The following PITPNM3 variants were observed in gnomAD, a reference collection of about 807,000 sequenced individuals.
PITPNM3 encodes PITPNM family member 3.
Under a neutral mutation model 102.0 loss-of-function variants are expected in PITPNM3, and 26 were observed. The observed-to-expected ratio is 0.25, with a 90% CI of 0.19 to 0.35. PITPNM3 has a LOEUF of 0.35. Ranked by LOEUF, PITPNM3 falls within the 10% of genes least tolerant of loss-of-function variation. The pLI is 1.00. For missense variants in PITPNM3, 1,083 were observed against 1,346.1 expected (o/e 0.80, Z 3.06); for synonymous variants, 578 against 558.6 (o/e 1.03, Z -0.49).
chr17:6,515,621 G>T (rs1460506675), intron 3 of PITPNM3, among the ~76,000 whole-genome samples: 1 of 152,050 alleles, frequency 6.6e-6, no homozygotes, highest in African/African-American at 2.4e-5. Flanking sequence ...TGCCTCCTTA[G>T]ATCATTCAAA....
chr17:6,549,861 C>T (rs1195553852), intron 1 of PITPNM3, among the ~76,000 whole-genome samples: 1 of 152,190 alleles, frequency 6.6e-6, no homozygotes, highest in African/African-American at 2.4e-5. Context: ...TGGCTGCAGA[C>T]CTGGTGATGG....
intron 1 of PITPNM3, among the ~76,000 whole-genome samples, chr17:6,554,339 AG>A (rs1910488182): frequency 7.4e-6 from 1 of 135,920 alleles, no homozygotes; most frequent in Non-Finnish European, 1.6e-5. Flanking sequence ...AAAAAAAAAA[AG>A]GAGAGAAGGG....
intron 4 of PITPNM3, among the ~76,000 whole-genome samples, chr17:6,489,500 G>GGCCCAGGTCACCAGCCCAGGTCACCA (rs60136731): frequency 2.0e-5 from 3 of 150,406 alleles, no homozygotes; most frequent in Non-Finnish European, 4.4e-5. Flanking sequence ...TGCCTAAACC[G>GGCCCAGGTCACCAGCCCAGGTCACCA]GCCCAGGTCA....
chr17:6,483,628 G>A lies in PITPNM3; in HGVS notation c.476C>T (p.Ser159Phe). The change falls in exon 6 of 20, where the codon TCC (serine) becomes TTC (phenylalanine). Residue 159 changes from serine to phenylalanine, a missense_variant. This residue lies in a region of PITPNM3 where 290 missense variants were observed against 337.8 expected (regional missense o/e 0.86). Transcript: ENST00000262483. ...GGCTCGTGTGACCTTCTCCAGCACGGAGCTGAAGGTGTGGATGTCGGCTGC... is the reference window on the plus strand; with the variant it reads ...GGCTCGTGTGACCTTCTCCAGCACGAAGCTGAAGGTGTGGATGTCGGCTGC... ...CKAADIHTFS[S>F]VLEKVTRAHF... 1 of 1,614,114 alleles carries A rather than the reference G, an allele frequency of 6.2e-7. No homozygotes were observed. The highest frequency in any genetic ancestry group is 1.1e-5 in the South Asian group (1 of 91,070).
chr17:6,483,694 C>T lies in PITPNM3; in HGVS notation c.410G>A (p.Gly137Glu). 6.2e-7 allele frequency: 1 copy of T among 1,613,972 alleles called. No homozygotes were observed. Among genetic ancestry groups the T allele is most frequent in the East Asian group, 2.2e-5 (1 of 44,852 alleles). The change falls in exon 6 of 20, where the codon GGA (glycine) becomes GAA (glutamate). Residue 137 changes from glycine (G) to glutamate (E), a missense_variant. Transcript: ENST00000262483. ...THVLLLVLHG[G>E]NILDTGAGDP... ...CCCGGCACCCGTGTCCAGGATGTTT[C>T]CCCCATGCAGGACCAGCAGGAGGAC... is the stretch of plus-strand genomic sequence containing the variant.
rs368625652 is a variant in PITPNM3, at chr17:6,451,881, C to CCA, written c.*3456_*3457insTG. The CCA allele has an allele frequency of 2.7e-5, 1 of 37,110 alleles. No homozygotes were observed. Among genetic ancestry groups the CCA allele is most frequent in the Non-Finnish European group, 6.0e-5 (1 of 16,762 alleles). 2.3% of individuals were successfully genotyped at this position (37,110 alleles called of 1,614,324 possible). On this transcript the variant is annotated 3_prime_UTR_variant, in exon 20 of 20. Coordinates refer to ENST00000262483, the MANE Select transcript of PITPNM3 (RefSeq NM_031220.4). ...GGGCACTTGGCACCCAAACCCCCCC[C>CCA]CCCCGCCCGCCGATGGGATTCGGTG...
intron 4 of PITPNM3, among the ~76,000 whole-genome samples, chr17:6,484,515 T>G (rs977152719): frequency 6.6e-6 from 1 of 152,056 alleles, no homozygotes; most frequent in Non-Finnish European, 1.5e-5. Flanking sequence ...GGTGGCAGAG[T>G]GAGGCCATCG....
Position 6,474,477 on chromosome 17 carries a change from C to T in PITPNM3, c.1213G>A (p.Gly405Ser). ...GTCCTCCGCATGGCCAGGACCAGGC[C>T]CAGTGGCGAGCCGAAGAGGAAGAAG... ...SDFFLFGSPL[G>S]LVLAMRRTVL... The change falls in exon 10 of 20, where the codon GGC becomes AGC. Residue 405 changes from glycine to serine, a missense_variant. Coordinates refer to ENST00000262483, the MANE Select transcript of PITPNM3 (RefSeq NM_031220.4). 1.2e-6 allele frequency: 2 copies of T among 1,613,590 alleles called. No homozygotes were observed. Among genetic ancestry groups the T allele is most frequent in the South Asian group, 2.2e-5 (2 of 91,076 alleles).
In PITPNM3 at chr17:6,455,445, T is replaced by C. The variant is rs753816724; in HGVS notation, c.2818A>G (p.Lys940Glu). The change falls in exon 20 of 20, where the codon AAG (lysine) becomes GAG (glutamate). Residue 940 changes from lysine to glutamate, a missense_variant. Physicochemically the swap from Lys to Glu is moderately conservative, Grantham distance 56. Coordinates refer to ENST00000262483, the MANE Select transcript of PITPNM3 (RefSeq NM_031220.4). ...GGCTGGCTCTGGGCCCGCTCGGGCT[T>C]GGGGTTGGCGGCGGGCGGGTCGGGC... ...QQPDPPAANP[K>E]PERAQSQPES... 3 of 1,604,464 alleles carry C rather than the reference T, an allele frequency of 1.9e-6. No homozygotes were observed. In the Admixed American group the frequency reaches 5.0e-5, roughly 27 times the overall value.
At chr17:6,547,852 C>T (rs1238678758) in intron 1 of PITPNM3, among the ~76,000 whole-genome samples, 1 of 152,104 alleles carries the variant, frequency 6.6e-6, no homozygotes, top group Non-Finnish European at 1.5e-5. Flanking sequence ...CCTCAGCCTC[C>T]CAAGTAGCTG....
At chr17:6,521,798 G>C (rs907879029) in intron 3 of PITPNM3, among the ~76,000 whole-genome samples, 1 of 152,136 alleles carries the variant, frequency 6.6e-6, no homozygotes, top group African/African-American at 2.4e-5. Context: ...AAAGAAAGAG[G>C]CTCCAGGGCC....
rs1357848669 is a variant in PITPNM3, at chr17:6,556,093, G to A, written c.22+292C>T. Among the ~76,000 whole-genome samples the A allele has an allele frequency of 6.6e-6, 1 of 152,106 alleles. No homozygotes were observed. Among genetic ancestry groups the A allele is most frequent in the African/African-American group, 2.4e-5 (1 of 41,450 alleles). ...GCCCGGGGCCTCCGCGGGGTGCAGA[G>A]GGCTCCCAACGGCGGGACTGGCCCG... On this transcript the variant is annotated intron_variant, in intron 1 of 19. Transcript: ENST00000262483. The surrounding 1 kb of genome is among the most constrained non-coding windows in gnomAD (Gnocchi z 5.2).
intron 1 of PITPNM3, among the ~76,000 whole-genome samples, chr17:6,549,294 C>T (rs74923042): frequency 0.042 from 6,409 of 152,302 alleles, 256 homozygotes; most frequent in East Asian, 0.11. Context: ...TGAACCCCAA[C>T]ATGCCACACT....
chr17:6,554,318 C>CAAA lies in PITPNM3; in HGVS notation c.22+2064_22+2066dup, dbSNP rs35188321. Among the ~76,000 whole-genome samples, 34 of 74,512 alleles carry CAAA rather than the reference C, an allele frequency of 4.6e-4. 1 individual carries two copies. Among genetic ancestry groups the CAAA allele is most frequent in the African/African-American group, 1.6e-3 (29 of 18,674 alleles). 48.9% of individuals were successfully genotyped at this position (74,512 alleles called of 152,430 possible). ...TGGGAGACAGACCGAGACTCCATCT[C>CAAA]AAAAAAAAAAAAAAAAAAAAAGGAG... On this transcript the variant is annotated intron_variant, in intron 1 of 19. Coordinates refer to ENST00000262483, the MANE Select transcript of PITPNM3 (RefSeq NM_031220.4).
At chr17:6,503,460 C>T (rs1375340990) in intron 4 of PITPNM3, 67 bp downstream of exon 4, 2 of 1,547,080 alleles carry the variant, frequency 1.3e-6, no homozygotes, top group Non-Finnish European at 8.9e-7. Flanking sequence ...GAGAGGGGAC[C>T]CAGGCTCAAT....
At chr17:6,529,373 T>C (rs553531811) in intron 2 of PITPNM3, among the ~76,000 whole-genome samples, 9 of 151,944 alleles carry the variant, frequency 5.9e-5, no homozygotes, top group African/African-American at 2.2e-4. Flanking sequence ...GGCGGGCAAA[T>C]CACAAGGGCA....
chr17:6,503,610 G>A lies in PITPNM3; in HGVS notation c.227-36C>T, dbSNP rs1907318395. 1.9e-6 allele frequency: 3 copies of A among 1,599,238 alleles called. No homozygotes were observed. In the South Asian group the frequency reaches 3.3e-5, roughly 18 times the overall value. On this transcript the variant is annotated intron_variant, in intron 3 of 19. Coordinates refer to ENST00000262483, the MANE Select transcript of PITPNM3 (RefSeq NM_031220.4). ...AGAAAAGAAACATGAGCAGATCCTT[G>A]ACACTGTTGCCAGGCACTGTGTTTC... is the stretch of plus-strand genomic sequence containing the variant.
rs1597427988 is a variant in PITPNM3 at position 6,556,449 on chromosome 17, C to A, written c.-43G>T. On this transcript the variant is annotated 5_prime_UTR_variant, in exon 1 of 20. Transcript: ENST00000262483. The surrounding 1 kb of genome is among the most constrained non-coding windows in gnomAD (Gnocchi z 5.2). ...CCGGCGGCGCTACGCGCGCTCCTCG[C>A]GCTTCCCGGGCCCGGCCCCGACCGC... is the stretch of plus-strand genomic sequence containing the variant. The A allele has an allele frequency of 7.4e-6, 9 of 1,208,332 alleles. No individual in the cohort carries two copies. The highest frequency in any genetic ancestry group is 7.7e-5 in the East Asian group (2 of 26,112). The allele number at this position is 1,208,332 out of a possible 1,614,324, so 74.9% of individuals were successfully genotyped here. A position where few individuals can be genotyped will look rare whatever the true frequency, so the allele number is the denominator to read the frequency against.
intron 1 of PITPNM3, among the ~76,000 whole-genome samples, chr17:6,555,222 C>A (rs2150688535): frequency 6.6e-6 from 1 of 152,334 alleles, no homozygotes; most frequent in African/African-American, 2.4e-5. Flanking sequence ...CCCACCCCGA[C>A]AGGACTCCTT....
Sources: allele counts gnomAD v4.1 joint callset (sites outside exome capture counted in the v4.1 genomes callset), GRCh38; gene constraint gnomAD v4.1.1; regional missense constraint gnomAD v4.1.1; non-coding constraint Gnocchi (gnomAD v3.1); transcripts MANE v1.5; gene names NCBI Gene and HGNC (gene_info 2026-07-23, HGNC 2026-07-21).